Variants in MYLK observed in about 807,000 individuals in gnomAD.
MYLK encodes myosin light chain kinase, smooth muscle.
MYLK carries 106 observed loss-of-function variants against 203.4 expected under a neutral mutation model. That is an observed-to-expected ratio of 0.52 (90% confidence interval 0.45 to 0.61). The LOEUF (loss-of-function observed/expected upper bound fraction) is 0.61. Ranked by LOEUF, MYLK falls within the 20% of genes least tolerant of loss-of-function variation. The pLI is 0.00. For synonymous variants in MYLK, 867 were observed against 959.5 expected (o/e 0.90, Z 1.78); for missense variants, 2,072 against 2,442.3 (o/e 0.85, Z 3.20).
rs774223564 is a variant in MYLK at position 123,657,383 on chromosome 3, C to T, written c.4031G>A (p.Arg1344Gln). ...CCAGGACAGGGTCAGTGAGGAGCTC[C>T]GAATGTCAGAGGCACAAGGTGTGCC... The part of the protein sequence containing the change: ...PAGTPCASDI[R>Q]SSSLTLSWYG... The change falls in exon 24 of 34, where the codon CGG becomes CAG. Residue 1344 changes from arginine to glutamine, a missense_variant. Physicochemically the swap from Arg to Gln is conservative, Grantham distance 43 (BLOSUM62 1). Transcript: ENST00000360304. The T allele has an allele frequency of 4.0e-5, 65 of 1,613,822 alleles. No individual in the cohort carries two copies. The East Asian group carries it at 6.0e-4, about 15-fold the overall frequency.
At chr3:123,778,902 G>A (rs776927151) in intron 4 of MYLK, among the ~76,000 whole-genome samples, 1 of 152,180 alleles carries the variant, frequency 6.6e-6, no homozygotes, top group African/African-American at 2.4e-5. Flanking sequence ...AACCACTCTC[G>A]ACAAAGTGCC....
chr3:123,692,894 T>C, intron 18 of MYLK, 43 bp from the exon 19 acceptor site: 1 of 1,539,948 alleles, frequency 6.5e-7, no homozygotes. Context: ...GTGGTCGTAG[T>C]ACCTGCCCTG....
Position 123,831,435 on chromosome 3 carries a change from G to A in MYLK, c.-4+113C>T, listed in dbSNP as rs1404157703. 6 of 1,289,168 alleles carry A rather than the reference G, an allele frequency of 4.7e-6. No individual in the cohort carries two copies. The South Asian group carries it at 6.2e-5, about 13-fold the overall frequency. The allele number at this position is 1,289,168 out of a possible 1,614,324, so 79.9% of individuals were successfully genotyped here. ...GGCCAGGTGCCATCTCACCTTGGGG[G>A]CAGCAGTCTCTTCTGGGCACCTAGA... On this transcript the variant is annotated intron_variant, in intron 3 of 33. Transcript: ENST00000360304.
intron 1 of MYLK, among the ~76,000 whole-genome samples, chr3:123,877,620 T>C (rs2033241147): frequency 6.6e-6 from 1 of 152,168 alleles, no homozygotes; most frequent in African/African-American, 2.4e-5. Context: ...GTATCATGTA[T>C]ACCATGAGTG....
chr3:123,695,609 C>T (rs2060890749), intron 18 of MYLK, among the ~76,000 whole-genome samples: 2 of 152,172 alleles, frequency 1.3e-5, no homozygotes, highest in Admixed American at 6.5e-5. Context: ...CAACAAAGGG[C>T]ATTAGAATAA....
chr3:123,641,627 C>T (rs1002393367), intron 27 of MYLK, among the ~76,000 whole-genome samples: 4 of 151,962 alleles, frequency 2.6e-5, no homozygotes, highest in Non-Finnish European at 5.9e-5. Flanking sequence ...CCACCTCAGC[C>T]TCCCAAAGTG....
At chr3:123,764,289 T>G (rs1441258522) in intron 4 of MYLK, among the ~76,000 whole-genome samples, 1 of 152,142 alleles carries the variant, frequency 6.6e-6, no homozygotes, top group Non-Finnish European at 1.5e-5. Context: ...TGATTTTTCC[T>G]GTATGTAAGT....
intron 4 of MYLK, among the ~76,000 whole-genome samples, chr3:123,792,177 G>A (rs2064807507): frequency 6.6e-6 from 1 of 152,226 alleles, no homozygotes; most frequent in African/African-American, 2.4e-5. Context: ...TGACATAGAG[G>A]CCGCCATCTC....
intron 2 of MYLK, among the ~76,000 whole-genome samples, chr3:123,852,577 C>T (rs896959306): frequency 6.6e-6 from 1 of 151,980 alleles, no homozygotes; most frequent in African/African-American, 2.4e-5. Flanking sequence ...GTGGTGATAT[C>T]CCCTTTATCA....
chr3:123,829,012 T>C (rs920242334), intron 3 of MYLK, among the ~76,000 whole-genome samples: 1 of 151,876 alleles, frequency 6.6e-6, no homozygotes. Flanking sequence ...TAAACTAGTA[T>C]AGCAACTATG....
intron 3 of MYLK, among the ~76,000 whole-genome samples, chr3:123,819,348 G>C (rs1437882785): frequency 6.6e-6 from 1 of 152,188 alleles, no homozygotes; most frequent in African/African-American, 2.4e-5. Context: ...TCCACTGTGT[G>C]TGCAGGTATC....
At chr3:123,750,417 C>A (rs2063156943) in intron 5 of MYLK, among the ~76,000 whole-genome samples, 1 of 152,098 alleles carries the variant, frequency 6.6e-6, no homozygotes. Flanking sequence ...AATTTTCCTG[C>A]TTGGTCATGA....
chr3:123,697,401 G>A (rs780081704), intron 18 of MYLK, among the ~76,000 whole-genome samples: 6 of 152,258 alleles, frequency 3.9e-5, no homozygotes, highest in Non-Finnish European at 5.9e-5. Context: ...GGCACCATCA[G>A]TGTTTCAACC....
intron 2 of MYLK, among the ~76,000 whole-genome samples, chr3:123,836,922 G>GAACTAATTAAGAACTAATAAA (rs1388483456): frequency 6.6e-6 from 1 of 152,056 alleles, no homozygotes; most frequent in African/African-American, 2.4e-5. Flanking sequence ...ATAAAGACAT[G>GAACTAATTAAGAACTAATAAA]GACTAATTAA....
chr3:123,733,369 G>A lies in MYLK; in HGVS notation c.1310-267C>T, dbSNP rs553493095. Among the ~76,000 whole-genome samples the A allele has an allele frequency of 3.3e-5, 5 of 152,290 alleles. No homozygotes were observed. The South Asian group carries it at 6.2e-4, about 19-fold the overall frequency. ...AGCCAGGCAAGGGGAAGAAAGGGCG[G>A]AGGAGACCATGAGGTTTGCTTTTCG... On this transcript the variant is annotated intron_variant, in intron 10 of 33. Transcript: ENST00000360304.
intron 24 of MYLK, among the ~76,000 whole-genome samples, chr3:123,650,432 TG>T (rs2059170386): frequency 6.6e-6 from 1 of 152,068 alleles, no homozygotes; most frequent in Non-Finnish European, 1.5e-5. Flanking sequence ...TGTGTGTGTG[TG>T]TGAGAGAGAG....
chr3:123,807,242 A>T (rs2065400300), intron 3 of MYLK, among the ~76,000 whole-genome samples: 1 of 152,122 alleles, frequency 6.6e-6, no homozygotes, highest in Non-Finnish European at 1.5e-5. Context: ...CACCCTGGCC[A>T]ACATGGTGAA....
In MYLK at chr3:123,612,939, G is replaced by A. The variant is rs993955584; in HGVS notation, c.*1166C>T. ...ATAAAGAAAAAATTTAAGTGCCAAT[G>A]TAGTGAAAGAAAGTTAAAAATTCCT... On this transcript the variant is annotated 3_prime_UTR_variant, in exon 34 of 34. Transcript: ENST00000360304. 33 of 152,558 alleles carry A rather than the reference G, an allele frequency of 2.2e-4. No homozygotes were observed. The highest frequency in any genetic ancestry group is 8.0e-4 in the African/African-American group (33 of 41,440). 9.5% of individuals were successfully genotyped at this position (152,558 alleles called of 1,614,324 possible).
chr3:123,752,682 A>G, intron 4 of MYLK, 144 bp from the exon 5 acceptor site: 1 of 946,134 alleles, frequency 1.1e-6, no homozygotes, highest in Non-Finnish European at 1.6e-6. Flanking sequence ...AGATAAGGAA[A>G]TCAAGGTACA....
Sources: gnomAD v4.1 joint callset for allele counts (sites outside exome capture counted in the v4.1 genomes callset) on GRCh38, gnomAD v4.1.1 for gene constraint, MANE v1.5 for transcripts, NCBI Gene and HGNC (gene_info 2026-07-23, HGNC 2026-07-21) for gene names.